CTTN: variants seen among roughly 807,000 people sequenced by gnomAD.
The protein encoded by CTTN is src substrate cortactin.
CTTN carries 28 observed loss-of-function variants against 84.0 expected under a neutral mutation model. That is an observed-to-expected ratio of 0.33 (90% CI 0.25 to 0.46). CTTN has a LOEUF of 0.46. Among genes scored for constraint, CTTN ranks in the 20% least tolerant of loss-of-function variants. The pLI is 1.00. For missense variants in CTTN, 641 were observed against 723.8 expected, an observed-to-expected ratio of 0.89 and a Z score of 1.31; for synonymous variants, 301 against 288.8, an observed-to-expected ratio of 1.04 and a Z score of -0.43.
At chr11:70,428,618 T>C (rs1393138691) in intron 13 of CTTN, among the ~76,000 whole-genome samples, 1 of 152,176 alleles carries the variant, frequency 6.6e-6, no homozygotes, top group Non-Finnish European at 1.5e-5. Context: ...ACTGCCCTCT[T>C]TTCCATTTTT....
intron 13 of CTTN, among the ~76,000 whole-genome samples, chr11:70,427,725 C>G (rs1220134228): frequency 6.6e-6 from 1 of 152,224 alleles, no homozygotes; most frequent in Non-Finnish European, 1.5e-5. Flanking sequence ...TGCTGGGTCT[C>G]TGAGTTGTGC....
In CTTN at chr11:70,435,278, T is replaced by TTTTTGGG; in HGVS notation, c.*116_*117insTTTTGGG. ...GTTTTTTTTTTTTTTTTTTTTTTTT[T>TTTTTGGG]GAAGGTGGGGAGGGGAATATACACA... On this transcript the variant is annotated 3_prime_UTR_variant, in exon 18 of 18. Transcript: ENST00000301843. 9.0e-7 allele frequency: 1 copy of TTTTTGGG among 1,113,744 alleles called. No homozygotes were observed. 69.0% of individuals were successfully genotyped at this position (1,113,744 alleles called of 1,614,324 possible). A position where few individuals can be genotyped will look rare whatever the true frequency, so the allele number is the denominator to read the frequency against.
At chr11:70,434,314 T>A (rs2058390164) in intron 17 of CTTN, among the ~76,000 whole-genome samples, 1 of 152,190 alleles carries the variant, frequency 6.6e-6, no homozygotes, top group Non-Finnish European at 1.5e-5. Context: ...CATCCACTTG[T>A]CCCTCTGTCT....
intron 5 of CTTN, among the ~76,000 whole-genome samples, chr11:70,413,465 G>A (rs1565490786): frequency 1.3e-5 from 2 of 152,202 alleles, no homozygotes; most frequent in African/African-American, 4.8e-5. Context: ...GGACCAGAGG[G>A]TCTCTCAATA....
intron 6 of CTTN, among the ~76,000 whole-genome samples, chr11:70,415,391 T>C (rs1291412621): frequency 6.6e-6 from 1 of 152,198 alleles, no homozygotes; most frequent in Non-Finnish European, 1.5e-5. Context: ...ATGAATCAGC[T>C]GAGCATTCCC....
At chr11:70,424,487 C>T (rs1297742249) in intron 12 of CTTN, among the ~76,000 whole-genome samples, 7 of 151,960 alleles carry the variant, frequency 4.6e-5, no homozygotes, top group African/African-American at 1.2e-4. Context: ...CGTAACTGCC[C>T]GGGTCCCCAT....
chr11:70,415,332 G>T (rs2058145588), intron 6 of CTTN, among the ~76,000 whole-genome samples: 1 of 152,198 alleles, frequency 6.6e-6, no homozygotes, highest in Non-Finnish European at 1.5e-5. Context: ...TAATACTAAT[G>T]TTCTCAGCAT....
chr11:70,434,876 G>T, intron 17 of CTTN, 150 bp from the exon 18 acceptor site: 1 of 775,446 alleles, frequency 1.3e-6, no homozygotes, highest in Non-Finnish European at 2.2e-6. Context: ...TGGCATGGGA[G>T]AGGCAGCAGG....
chr11:70,430,334 C>T (rs760824973), intron 14 of CTTN, among the ~76,000 whole-genome samples: 1 of 152,208 alleles, frequency 6.6e-6, no homozygotes, highest in Non-Finnish European at 1.5e-5. Context: ...CTGTTGCTGC[C>T]GTAGTCACCA....
intron 5 of CTTN, among the ~76,000 whole-genome samples, chr11:70,412,793 A>G (rs1297543275): frequency 6.6e-6 from 1 of 152,226 alleles, no homozygotes; most frequent in Non-Finnish European, 1.5e-5. Context: ...CCCCAGCGTG[A>G]TTGTTTAATA....
intron 8 of CTTN, among the ~76,000 whole-genome samples, chr11:70,418,084 A>G (rs2058184588): frequency 6.6e-6 from 1 of 152,012 alleles, no homozygotes; most frequent in Admixed American, 6.6e-5. Context: ...AATATTTGCC[A>G]ACATTTGAAA....
At chr11:70,412,742 G>A (rs1038363464) in intron 5 of CTTN, among the ~76,000 whole-genome samples, 3 of 152,124 alleles carry the variant, frequency 2.0e-5, no homozygotes, top group Non-Finnish European at 1.5e-5. Context: ...CTTGCATCCC[G>A]TAGCCCTGAG....
intron 1 of CTTN, among the ~76,000 whole-genome samples, chr11:70,404,056 G>A (rs1295801075): frequency 6.6e-6 from 1 of 152,138 alleles, no homozygotes; most frequent in Non-Finnish European, 1.5e-5. Flanking sequence ...AAATTTTTAG[G>A]CAGAGTTGTA....
chr11:70,429,747 C>T (rs968702833), intron 14 of CTTN, among the ~76,000 whole-genome samples: 3 of 152,158 alleles, frequency 2.0e-5, no homozygotes, highest in Non-Finnish European at 2.9e-5. Flanking sequence ...GGGCGGAGCA[C>T]GAGCCTGTGT....
intron 10 of CTTN, 93 bp from the exon 11 acceptor site, chr11:70,421,377 C>G: frequency 1.1e-6 from 1 of 905,874 alleles, no homozygotes; most frequent in Non-Finnish European, 1.8e-6. Flanking sequence ...TTTCTGGAAA[C>G]TGTGTTTGAT....
chr11:70,399,668 C>T (rs979360060), intron 1 of CTTN, among the ~76,000 whole-genome samples: 5 of 152,290 alleles, frequency 3.3e-5, no homozygotes, highest in African/African-American at 9.6e-5. Context: ...ATCCCTGAAG[C>T]TGGAAGGCCT....
intron 1 of CTTN, among the ~76,000 whole-genome samples, chr11:70,403,803 T>A (rs1487668034): frequency 6.6e-6 from 1 of 152,200 alleles, no homozygotes; most frequent in African/African-American, 2.4e-5. Flanking sequence ...GTTTTTTAAA[T>A]TTCCAATATT....
intron 6 of CTTN, among the ~76,000 whole-genome samples, chr11:70,415,349 T>C (rs923689880): frequency 6.6e-6 from 1 of 152,172 alleles, no homozygotes; most frequent in Non-Finnish European, 1.5e-5. Flanking sequence ...GCATGACTTA[T>C]TTGAGAAGCG....
At chr11:70,403,466 C>T (rs2058010513) in intron 1 of CTTN, among the ~76,000 whole-genome samples, 1 of 152,130 alleles carries the variant, frequency 6.6e-6, no homozygotes, top group Non-Finnish European at 1.5e-5. Context: ...GGATTACAGG[C>T]GTGAGCCACC....
Sources: gnomAD v4.1 joint callset for allele counts (sites outside exome capture counted in the v4.1 genomes callset) on GRCh38, gnomAD v4.1.1 for gene constraint, MANE v1.5 for transcripts, NCBI Gene and HGNC (gene_info 2026-07-23, HGNC 2026-07-21) for gene names.